The following KIFC3 variants were observed in gnomAD, a reference collection of about 807,000 sequenced individuals.
The protein encoded by KIFC3 is kinesin-like protein KIFC3.
KIFC3 carries 60 observed loss-of-function variants against 101.8 expected under a neutral mutation model. The ratio of observed to expected loss-of-function variants is 0.59; its 90% CI spans 0.48 to 0.73. The LOEUF is 0.73. KIFC3 is among the 30% of genes least tolerant of loss of function. The probability of loss-of-function intolerance (pLI) is 0.00; values close to 1 mark genes in which losing one functional copy is unlikely to be tolerated. For synonymous variants in KIFC3, 476 were observed against 482.7 expected (o/e 0.99, Z 0.18); for missense variants, 966 against 1,137.1 (o/e 0.85, Z 2.16).
At position 57,795,109 on chromosome 16, in the gene KIFC3, C is replaced by CG; in HGVS notation, c.204dup (p.Glu69ArgfsTer20). ...GCTGCACTTCGGGCACTGGAGTCCT[C>CG]GTCACCGCAGACTGGGGTATCTTTT... On this transcript the variant is annotated frameshift_variant, in exon 3 of 20. Coordinates refer to ENST00000445690, the MANE Select transcript of KIFC3 (RefSeq NM_001130100.2). LOFTEE classifies it high-confidence loss of function. The CG allele has an allele frequency of 6.2e-7, 1 of 1,611,274 alleles. No homozygotes were observed. The highest frequency in any genetic ancestry group is 8.5e-7 in the Non-Finnish European group (1 of 1,178,896).
intron 1 of KIFC3, among the ~76,000 whole-genome samples, chr16:57,835,777 C>T (rs989929681): frequency 2.6e-5 from 4 of 152,170 alleles, no homozygotes; most frequent in African/African-American, 7.2e-5. Flanking sequence ...TGGAGAAACC[C>T]TGTCTCTACT....
chr16:57,759,165 G>A lies in KIFC3; in HGVS notation c.2477-12C>T. On this transcript the variant is annotated splice_polypyrimidine_tract_variant and intron_variant, in intron 18 of 19. Coordinates refer to ENST00000445690, the MANE Select transcript of KIFC3 (RefSeq NM_001130100.2). ...CCCCAGCCGTCAGGCTGAAATCAAA[G>A]TGACAGGCGTCTCACTGGTGGGCTT... is the stretch of plus-strand genomic sequence containing the variant. The A allele has an allele frequency of 1.3e-6, 2 of 1,550,960 alleles. No homozygotes were observed. Among genetic ancestry groups the A allele is most frequent in the Non-Finnish European group, 1.7e-6 (2 of 1,146,982 alleles).
rs2055580942 is a variant in KIFC3, at chr16:57,831,557, G to A, written c.108+31172C>T. Among the ~76,000 whole-genome samples the A allele has an allele frequency of 3.9e-5, 6 of 152,202 alleles. No individual in the cohort carries two copies. In the South Asian group the frequency reaches 1.2e-3, roughly 32 times the overall value. On this transcript the variant is annotated intron_variant, in intron 1 of 2. Coordinates refer to the KIFC3 transcript ENST00000563028. Reference sequence around the variant, plus strand: ...GTTTTTTAATTAGCCAGGCATGGTGGTGTGTGCCTGTAGTCCCAGCTACTC... The same window carrying A: ...GTTTTTTAATTAGCCAGGCATGGTGATGTGTGCCTGTAGTCCCAGCTACTC...
chr16:57,784,387 G>C (rs1024853537), intron 3 of KIFC3, among the ~76,000 whole-genome samples: 3 of 152,230 alleles, frequency 2.0e-5, no homozygotes, highest in Admixed American at 2.0e-4. Context: ...ACTCAGCAAG[G>C]GGCAGGTGGG....
At chr16:57,857,446 T>C (rs1351508870) in intron 1 of KIFC3, among the ~76,000 whole-genome samples, 2 of 151,514 alleles carry the variant, frequency 1.3e-5, no homozygotes, top group Non-Finnish European at 2.9e-5. Flanking sequence ...GTGCAGAACA[T>C]GCAGGTTTGT....
At chr16:57,813,792 G>A (rs1380073225) in intron 1 of KIFC3, 10 of 985,318 alleles carry the variant, frequency 1.0e-5, no homozygotes, top group Middle Eastern at 1.0e-3. Flanking sequence ...CCGGGGACTC[G>A]GGAGACTCAA....
At chr16:57,778,926 A>C (rs1260472938) in intron 3 of KIFC3, among the ~76,000 whole-genome samples, 6 of 152,206 alleles carry the variant, frequency 3.9e-5, no homozygotes, top group Non-Finnish European at 8.8e-5. Flanking sequence ...AAAGAAAATG[A>C]AAAACAAGTG....
chr16:57,794,923 A>G, intron 3 of KIFC3, 76 bp downstream of exon 3: 1 of 1,380,246 alleles, frequency 7.2e-7, no homozygotes, highest in South Asian at 1.5e-5. Context: ...TCCTACCCCC[A>G]GAAGCCTGGC....
At chr16:57,777,631 G>T (rs1398592435) in intron 3 of KIFC3, among the ~76,000 whole-genome samples, 1 of 151,956 alleles carries the variant, frequency 6.6e-6, no homozygotes, top group Non-Finnish European at 1.5e-5. Flanking sequence ...TGAGGCAGGA[G>T]AATCGCTTGA....
chr16:57,845,598 G>A (rs2055901252), intron 1 of KIFC3, among the ~76,000 whole-genome samples: 2 of 152,044 alleles, frequency 1.3e-5, no homozygotes, highest in Admixed American at 6.6e-5. Context: ...TATCCACAGG[G>A]CTCTCTCCCT....
chr16:57,758,604 GCCCACCCTCCTCCACACT>G lies in KIFC3; in HGVS notation c.*312_*329del, dbSNP rs1299611732. On this transcript the variant is annotated 3_prime_UTR_variant, in exon 20 of 20. Coordinates refer to ENST00000445690, the MANE Select transcript of KIFC3 (RefSeq NM_001130100.2). ...GGGGCCGAGAAAGCCTGGGTGAGAGGCCCACCCTCCTCCACACTCCCGCCCTCCTCACGGGGCCCAGTT... is the reference window on the plus strand; with the variant it reads ...GGGGCCGAGAAAGCCTGGGTGAGAGGCCCGCCCTCCTCACGGGGCCCAGTT... 43 of 689,642 alleles carry G rather than the reference GCCCACCCTCCTCCACACT, an allele frequency of 6.2e-5. No individual in the cohort carries two copies. Among genetic ancestry groups the G allele is most frequent in the East Asian group, 5.8e-4 (21 of 36,376 alleles). The allele number at this position is 689,642 out of a possible 1,614,324, so 42.7% of individuals were successfully genotyped here.
At chr16:57,780,675 T>TG (rs1343350050) in intron 3 of KIFC3, among the ~76,000 whole-genome samples, 6 of 128,184 alleles carry the variant, frequency 4.7e-5, no homozygotes, top group Non-Finnish European at 8.4e-5. Context: ...AAATTTTTTT[T>TG]TTTTTTTTTT....
chr16:57,775,993 C>T (rs2052016220), intron 3 of KIFC3: 3 of 985,356 alleles, frequency 3.0e-6, no homozygotes, highest in South Asian at 9.4e-5. Flanking sequence ...ACACCACCTG[C>T]ATTTACACTT....
rs553104905 is a variant in KIFC3 at position 57,831,193 on chromosome 16, G to A, written c.108+31536C>T. ...GTTGCTCAGCAGGTGAGCCTGCCCC[G>A]CCATGGAGACTCAGCGCTAGAGTGA... On this transcript the variant is annotated intron_variant, in intron 1 of 2. Coordinates refer to the KIFC3 transcript ENST00000563028. Among the ~76,000 whole-genome samples, 14 of 152,316 alleles carry A rather than the reference G, an allele frequency of 9.2e-5. No individual in the cohort carries two copies. The East Asian group carries it at 2.3e-3, about 25-fold the overall frequency.
intron 1 of KIFC3, among the ~76,000 whole-genome samples, chr16:57,849,393 G>C (rs533226919): frequency 1.1e-4 from 17 of 152,132 alleles, no homozygotes; most frequent in Non-Finnish European, 2.5e-4. Flanking sequence ...ACAAACTGCT[G>C]TGTGTGTGTA....
rs569082653 is a variant in KIFC3, at chr16:57,799,704, AGAG to A, written c.-39-1425_-39-1423del. Reference sequence around the variant, plus strand: ...GGAGGCAATCATCAAAGCTTGAGCAAGAGGAGACAGCCATGTGATAACAGGGCT... The same window carrying A: ...GGAGGCAATCATCAAAGCTTGAGCAAGAGACAGCCATGTGATAACAGGGCT... On this transcript the variant is annotated intron_variant, in intron 1 of 19. Transcript: ENST00000445690. 4.6e-5 allele frequency among the ~76,000 whole-genome samples: 7 copies of A among 152,366 alleles called. No homozygotes were observed. In the East Asian group the frequency reaches 1.3e-3, roughly 29 times the overall value.
Position 57,760,801 on chromosome 16 carries a change from G to C in KIFC3, c.2157C>G (p.Pro719=). 6.2e-7 allele frequency: 1 copy of C among 1,613,684 alleles called. No homozygotes were observed. The highest frequency in any genetic ancestry group is 8.5e-7 in the Non-Finnish European group (1 of 1,180,012). The change falls in exon 16 of 20, where the codon CCC becomes CCG. Residue 719 remains proline, a synonymous_variant. Coordinates refer to ENST00000445690, the MANE Select transcript of KIFC3 (RefSeq NM_001130100.2). ...AALRSRQGHV[P]FRNSKLTYLL... is the part of the protein sequence containing the mutation. ...GGTAGGTGAGCTTGGAGTTGCGGAA[G>C]GGCACGTGGCCCTGGCGGGAGCGCA...
At chr16:57,780,667 ATTTTT>A (rs1191334568) in intron 3 of KIFC3, among the ~76,000 whole-genome samples, 2 of 69,934 alleles carry the variant, frequency 2.9e-5, no homozygotes, top group South Asian at 7.0e-4. Context: ...CTGAAGACAA[ATTTTT>A]TTTTTTTTTT....
intron 3 of KIFC3, among the ~76,000 whole-genome samples, chr16:57,786,804 C>T (rs1026871728): frequency 5.9e-5 from 9 of 152,278 alleles, no homozygotes; most frequent in Admixed American, 1.3e-4. Flanking sequence ...GGAAGCCAAA[C>T]GGACTCAGCT....
Sources: allele counts gnomAD v4.1 joint callset (sites outside exome capture counted in the v4.1 genomes callset), GRCh38; gene constraint gnomAD v4.1.1; transcripts MANE v1.5; gene names NCBI Gene and HGNC (gene_info 2026-07-23, HGNC 2026-07-21).